CNTN6: variants seen among roughly 807,000 people sequenced by gnomAD.
CNTN6 encodes the protein contactin-6.
Under a neutral mutation model 122.8 loss-of-function variants are expected in CNTN6, and 137 were observed. The observed-to-expected ratio is 1.12, with a 90% CI of 0.97 to 1.29. The LOEUF (loss-of-function observed/expected upper bound fraction) is 1.29, where lower values mean the gene tolerates loss of function less well. Among genes scored for constraint, CNTN6 ranks in the 50% most tolerant of loss-of-function variants. The probability of loss-of-function intolerance (pLI) is 0.00; values close to 1 mark genes in which losing one functional copy is unlikely to be tolerated. For missense variants in CNTN6, 1,634 were observed against 1,223.4 expected (o/e 1.34, Z -5.01); for synonymous variants, 570 against 426.0 (o/e 1.34, Z -4.16).
intron 1 of CNTN6, among the ~76,000 whole-genome samples, chr3:1,127,539 G>A (rs944179675): frequency 6.6e-6 from 1 of 151,816 alleles, no homozygotes; most frequent in African/African-American, 2.4e-5. Flanking sequence ...TTCAGTAAAA[G>A]CCGTAAATGA....
chr3:1,387,265 A>G (rs1320010098), intron 20 of CNTN6, among the ~76,000 whole-genome samples: 1 of 152,252 alleles, frequency 6.6e-6, no homozygotes, highest in Non-Finnish European at 1.5e-5. Flanking sequence ...AATTTCCTCC[A>G]GTCCACCCAG....
At chr3:1,142,217 A>C (rs1206896246) in intron 1 of CNTN6, among the ~76,000 whole-genome samples, 1 of 152,046 alleles carries the variant, frequency 6.6e-6, no homozygotes, top group Admixed American at 6.6e-5. Context: ...ATTCCTAAAA[A>C]AAAAAAAAAA....
chr3:1,357,872 A>G (rs1180085611), intron 12 of CNTN6, among the ~76,000 whole-genome samples: 4 of 136,552 alleles, frequency 2.9e-5, no homozygotes, highest in Non-Finnish European at 4.7e-5. Context: ...ATGTAAATGC[A>G]CATTTATGTA....
chr3:1,358,845 A>C (rs1158763849), intron 12 of CNTN6, among the ~76,000 whole-genome samples: 1 of 151,924 alleles, frequency 6.6e-6, no homozygotes, highest in East Asian at 1.9e-4. Context: ...CTGAGGTGGG[A>C]GGATTGCTTG....
At chr3:1,355,293 TAGAA>T (rs1394638384) in intron 12 of CNTN6, among the ~76,000 whole-genome samples, 4 of 151,616 alleles carry the variant, frequency 2.6e-5, no homozygotes, top group Non-Finnish European at 5.9e-5. Context: ...AAAACAGCCT[TAGAA>T]AGTTGCTTTA....
At chr3:1,302,723 G>T (rs1476165406) in intron 7 of CNTN6, among the ~76,000 whole-genome samples, 1 of 151,982 alleles carries the variant, frequency 6.6e-6, no homozygotes, top group Non-Finnish European at 1.5e-5. Flanking sequence ...TTTTTCTCTT[G>T]AGGTTGTAGA....
intron 2 of CNTN6, among the ~76,000 whole-genome samples, chr3:1,218,406 C>T (rs1406005984): frequency 1.3e-5 from 2 of 151,974 alleles, no homozygotes; most frequent in East Asian, 1.9e-4. Context: ...TGTCAGAGCC[C>T]GAGTGGGGTG....
chr3:1,141,436 C>T (rs541251842), intron 1 of CNTN6, among the ~76,000 whole-genome samples: 1 of 152,144 alleles, frequency 6.6e-6, no homozygotes, highest in Non-Finnish European at 1.5e-5. Context: ...ACTAAATCCA[C>T]ACCAGTAAGA....
chr3:1,132,762 T>A (rs1268718442), intron 1 of CNTN6, among the ~76,000 whole-genome samples: 1 of 152,088 alleles, frequency 6.6e-6, no homozygotes, highest in Non-Finnish European at 1.5e-5. Flanking sequence ...TTCACTTCTT[T>A]CCCTCTTCTA....
At chr3:1,187,676 A>G (rs2093648750) in intron 2 of CNTN6, among the ~76,000 whole-genome samples, 1 of 152,190 alleles carries the variant, frequency 6.6e-6, no homozygotes, top group South Asian at 2.1e-4. Context: ...TTGTGAGGCC[A>G]AGGGAAAAAT....
chr3:1,129,002 T>C (rs2092260746), intron 1 of CNTN6, among the ~76,000 whole-genome samples: 1 of 152,034 alleles, frequency 6.6e-6, no homozygotes, highest in Non-Finnish European at 1.5e-5. Context: ...ATAATTTTTC[T>C]TTTTAGTGTT....
intron 20 of CNTN6, among the ~76,000 whole-genome samples, chr3:1,397,451 A>C (rs1052135678): frequency 6.6e-6 from 1 of 152,112 alleles, no homozygotes; most frequent in Non-Finnish European, 1.5e-5. Context: ...TGATACTAGT[A>C]TTATTAAACA....
At chr3:1,376,565 TG>T (rs1709897450) in intron 16 of CNTN6, among the ~76,000 whole-genome samples, 1 of 152,122 alleles carries the variant, frequency 6.6e-6, no homozygotes, top group South Asian at 2.1e-4. Flanking sequence ...TAATTTTAAC[TG>T]GTAAAATATC....
intron 17 of CNTN6, among the ~76,000 whole-genome samples, chr3:1,377,769 T>C (rs1710088167): frequency 6.6e-6 from 1 of 152,134 alleles, no homozygotes; most frequent in Non-Finnish European, 1.5e-5. Flanking sequence ...CCATTCACAG[T>C]GTTACCTCTG....
chr3:1,122,178 A>C (rs2091972137), intron 1 of CNTN6, among the ~76,000 whole-genome samples: 1 of 152,072 alleles, frequency 6.6e-6, no homozygotes, highest in Admixed American at 6.6e-5. Context: ...TATTAATTTA[A>C]TTTATATTGT....
intron 1 of CNTN6, among the ~76,000 whole-genome samples, chr3:1,138,173 A>C (rs968410006): frequency 1.3e-5 from 2 of 152,232 alleles, no homozygotes; most frequent in African/African-American, 4.8e-5. Context: ...GGAAGAGAAC[A>C]CAATCCCTCT....
At chr3:1,343,106 T>C (rs559737944) in intron 11 of CNTN6, among the ~76,000 whole-genome samples, 1 of 152,298 alleles carries the variant, frequency 6.6e-6, no homozygotes, top group South Asian at 2.1e-4. Flanking sequence ...ATAGTAAATA[T>C]GTTTTCTCTT....
chr3:1,118,860 A>C (rs191925866), intron 1 of CNTN6, among the ~76,000 whole-genome samples: 1 of 151,040 alleles, frequency 6.6e-6, no homozygotes, highest in East Asian at 1.9e-4. Context: ...TACCTCTTAA[A>C]AAAAAAAAAA....
rs190885781 is a variant in CNTN6, at chr3:1,188,843, A to G, written c.56-31844A>G. On this transcript the variant is annotated intron_variant, in intron 2 of 22. Coordinates refer to ENST00000446702, the MANE Select transcript of CNTN6 (RefSeq NM_001289080.2). The stretch of plus-strand genomic sequence containing the variant: ...TTTTCTATTAGAAATCTTCCAATTC[A>G]GTTTTCTTTATTGACCCAATTCCCT... Among the ~76,000 whole-genome samples, 349 of 152,260 alleles carry G rather than the reference A, an allele frequency of 2.3e-3. 1 individual carries two copies. Among genetic ancestry groups the G allele is most frequent in the Non-Finnish European group, 3.8e-3 (261 of 68,010 alleles).
Sources: gnomAD v4.1 joint callset for allele counts (sites outside exome capture counted in the v4.1 genomes callset) on GRCh38, gnomAD v4.1.1 for gene constraint, MANE v1.5 for transcripts, NCBI Gene and HGNC (gene_info 2026-07-23, HGNC 2026-07-21) for gene names.